The following ROBO2 variants were observed in gnomAD, a reference collection of about 807,000 sequenced individuals.
ROBO2 encodes the protein roundabout guidance receptor 2, also known as roundabout homolog 2.
Under a neutral mutation model 160.8 loss-of-function variants are expected in ROBO2, and 53 were observed. The observed-to-expected ratio is 0.33, with a 90% CI of 0.26 to 0.41. ROBO2 has a LOEUF of 0.41. ROBO2 is among the 10% of genes least tolerant of loss of function. ROBO2 has a pLI of 1.00. For missense variants in ROBO2, 1,577 were observed against 1,722.4 expected (o/e 0.92, Z 1.49); for synonymous variants, 664 against 611.7 (o/e 1.09, Z -1.26).
In ROBO2 at chr3:76,585,596, G is replaced by A. The variant is rs190468673; in HGVS notation, c.110-512418G>A. ...TAGGACCCACATTTTGAGAACAACT[G>A]ATATAATCCATGATATTCAACTAAA... On this transcript the variant is annotated intron_variant, in intron 2 of 26. Transcript: ENST00000487694. 2.6e-5 allele frequency among the ~76,000 whole-genome samples: 4 copies of A among 152,214 alleles called. No homozygotes were observed. The East Asian group carries it at 5.8e-4, about 22-fold the overall frequency.
At chr3:76,645,896 A>C (rs9836425) in intron 2 of ROBO2, among the ~76,000 whole-genome samples, 14,246 of 152,184 alleles carry the variant, frequency 0.094, 2,166 homozygotes, top group African/African-American at 0.32. Context: ...TGTATTGTGT[A>C]CAAGGAGCTG....
chr3:76,653,875 A>C (rs935196026), intron 2 of ROBO2, among the ~76,000 whole-genome samples: 1 of 152,136 alleles, frequency 6.6e-6, no homozygotes, highest in Non-Finnish European at 1.5e-5. Flanking sequence ...TCAGCTATTA[A>C]TTATAGTGGT....
In ROBO2 at chr3:77,509,631, G is replaced by T. The variant is rs890849746; in HGVS notation, c.807-13144G>T. Among the ~76,000 whole-genome samples the T allele has an allele frequency of 2.0e-5, 3 of 152,042 alleles. 1 individual carries two copies. The highest frequency in any genetic ancestry group is 3.9e-4 in the East Asian group (2 of 5,158). On this transcript the variant is annotated intron_variant, in intron 5 of 25. Transcript: ENST00000461745. The stretch of plus-strand genomic sequence containing the variant: ...AAGTTCAGTAAACAGAAAATAAAGT[G>T]ATTCTTCTGCTCAAAATATACTGTG...
intron 2 of ROBO2, among the ~76,000 whole-genome samples, chr3:76,847,371 G>A (rs996455154): frequency 2.2e-4 from 33 of 152,046 alleles, no homozygotes; most frequent in African/African-American, 7.2e-4. Flanking sequence ...GGAACTACAC[G>A]TTATCAGCAC....
intron 2 of ROBO2, among the ~76,000 whole-genome samples, chr3:76,330,680 C>G (rs1359608777): frequency 6.6e-6 from 1 of 152,142 alleles, no homozygotes; most frequent in Non-Finnish European, 1.5e-5. Flanking sequence ...ATGGCCCATC[C>G]TCATATAAAT....
At chr3:75,990,243 G>A (rs557789335) in intron 2 of ROBO2, among the ~76,000 whole-genome samples, 11 of 152,000 alleles carry the variant, frequency 7.2e-5, no homozygotes, top group African/African-American at 2.7e-4. Flanking sequence ...TAATACTTTG[G>A]TTTATCCCTT....
At chr3:77,631,723 TCTC>T (rs1306349847) in intron 23 of ROBO2, 8 of 152,074 alleles carry the variant, frequency 5.3e-5, no homozygotes, top group Non-Finnish European at 8.8e-5. Context: ...TTTCCTCTAT[TCTC>T]ATGTTGCATT....
chr3:77,147,883 A>G (rs2077239171), intron 2 of ROBO2, among the ~76,000 whole-genome samples: 1 of 152,134 alleles, frequency 6.6e-6, no homozygotes, highest in African/African-American at 2.4e-5. Context: ...CCACACACAC[A>G]TCCACTCCGA....
chr3:76,024,952 T>TTA (rs1553722047), intron 2 of ROBO2, among the ~76,000 whole-genome samples: 1 of 149,394 alleles, frequency 6.7e-6, no homozygotes, highest in South Asian at 2.1e-4. Flanking sequence ...TATATATATA[T>TTA]TATATATATG....
chr3:76,414,486 A>C (rs1470108572), intron 2 of ROBO2, among the ~76,000 whole-genome samples: 1 of 151,738 alleles, frequency 6.6e-6, no homozygotes, highest in Non-Finnish European at 1.5e-5. Context: ...TGAAATTGGA[A>C]ACCATCATTC....
chr3:77,267,261 T>C (rs1250452189), intron 2 of ROBO2, among the ~76,000 whole-genome samples: 1 of 152,196 alleles, frequency 6.6e-6, no homozygotes, highest in East Asian at 1.9e-4. Context: ...AAAATATTAG[T>C]TGTTTTATTG....
intron 2 of ROBO2, among the ~76,000 whole-genome samples, chr3:76,419,408 T>C (rs1248997227): frequency 3.3e-5 from 5 of 151,974 alleles, no homozygotes; most frequent in Non-Finnish European, 7.4e-5. Flanking sequence ...TTCAAAGTGA[T>C]ACAAATACCA....
chr3:76,010,689 A>C (rs1271644863), intron 2 of ROBO2, among the ~76,000 whole-genome samples: 7 of 152,226 alleles, frequency 4.6e-5, no homozygotes, highest in Non-Finnish European at 1.0e-4. Flanking sequence ...TGTAGTTTAA[A>C]ATTATGATTA....
Position 76,244,499 on chromosome 3 carries a change from C to T in ROBO2, c.109+306897C>T, listed in dbSNP as rs146930153. Among the ~76,000 whole-genome samples the T allele has an allele frequency of 8.2e-3, 1,243 of 152,210 alleles. 34 individuals are homozygous for T. In the East Asian group the frequency reaches 0.11, roughly 13 times the overall value. Reference sequence around the variant, plus strand: ...CAATGGAGAAAAATCAATCAAGCCCCTAATAATTGTGGCATTACATTTCCA... The same window carrying T: ...CAATGGAGAAAAATCAATCAAGCCCTTAATAATTGTGGCATTACATTTCCA... On this transcript the variant is annotated intron_variant, in intron 2 of 26. Transcript: ENST00000487694.
intron 1 of ROBO2, among the ~76,000 whole-genome samples, chr3:77,067,355 C>A (rs1458645016): frequency 6.6e-6 from 1 of 152,140 alleles, no homozygotes; most frequent in African/African-American, 2.4e-5. Context: ...TTACTTTTTA[C>A]TACTTGCCCC....
intron 2 of ROBO2, among the ~76,000 whole-genome samples, chr3:76,340,649 T>G (rs897011200): frequency 9.2e-5 from 14 of 152,136 alleles, no homozygotes; most frequent in African/African-American, 3.4e-4. Flanking sequence ...TTATATAGCT[T>G]CCCATTTTTG....
chr3:76,652,201 A>G (rs914930769), intron 2 of ROBO2, among the ~76,000 whole-genome samples: 1 of 152,216 alleles, frequency 6.6e-6, no homozygotes, highest in African/African-American at 2.4e-5. Flanking sequence ...ACCAATTTTA[A>G]TCACTTCTAT....
chr3:76,288,833 A>G (rs1202297435), intron 2 of ROBO2, among the ~76,000 whole-genome samples: 1 of 152,124 alleles, frequency 6.6e-6, no homozygotes, highest in East Asian at 1.9e-4. Flanking sequence ...ATTCTTTTCT[A>G]TGGCTGCCTA....
At chr3:77,059,503 C>A (rs2066081091) in intron 1 of ROBO2, among the ~76,000 whole-genome samples, 1 of 152,070 alleles carries the variant, frequency 6.6e-6, no homozygotes, top group Admixed American at 6.6e-5. Flanking sequence ...ATAAGCAAGA[C>A]AAAGAAAACA....
Sources: allele counts gnomAD v4.1 joint callset (sites outside exome capture counted in the v4.1 genomes callset), GRCh38; gene constraint gnomAD v4.1.1; transcripts MANE v1.5; gene names NCBI Gene and HGNC (gene_info 2026-07-23, HGNC 2026-07-21).